TGM5: variants seen among roughly 807,000 people sequenced by gnomAD.
TGM5 encodes the protein protein-glutamine gamma-glutamyltransferase 5.
TGM5 carries 69 observed loss-of-function variants against 77.2 expected under a neutral mutation model. That is an observed-to-expected ratio of 0.89 (90% CI 0.74 to 1.09). TGM5 has a LOEUF of 1.09. TGM5 is among the 50% of genes least tolerant of loss of function. TGM5 has a pLI of 0.00. For missense variants in TGM5, 842 were observed against 896.5 expected (o/e 0.94, Z 0.78); for synonymous variants, 346 against 351.8 (o/e 0.98, Z 0.18).
chr15:43,266,392 G>A (rs1257890702), intron 1 of TGM5, among the ~76,000 whole-genome samples: 1 of 152,168 alleles, frequency 6.6e-6, no homozygotes, highest in Non-Finnish European at 1.5e-5. Context: ...CTTCTGAAAT[G>A]GAGGAAGAAG....
intron 11 of TGM5, 123 bp downstream of exon 11, chr15:43,234,646 G>T: frequency 8.0e-7 from 1 of 1,251,592 alleles, no homozygotes; most frequent in Non-Finnish European, 1.2e-6. Flanking sequence ...TGGAGCACCA[G>T]AAGAGGCAAA....
At chr15:43,266,786 C>T (rs1332562513) in intron 1 of TGM5, 54 bp downstream of exon 1, 6 of 1,611,450 alleles carry the variant, frequency 3.7e-6, no homozygotes, top group Non-Finnish European at 4.2e-6. Flanking sequence ...TTCCTACAGT[C>T]TCTCTCTGTC....
At chr15:43,251,189 T>C (rs2042700816) in intron 6 of TGM5, among the ~76,000 whole-genome samples, 1 of 152,118 alleles carries the variant, frequency 6.6e-6, no homozygotes, top group Admixed American at 6.6e-5. Context: ...AGCTGTGGAA[T>C]TCCTTGTTTC....
chr15:43,236,592 C>A (rs2042592040), intron 9 of TGM5, among the ~76,000 whole-genome samples: 1 of 152,198 alleles, frequency 6.6e-6, no homozygotes, highest in South Asian at 2.1e-4. Flanking sequence ...AGGCAGAGGC[C>A]ACTTTTATCC....
At chr15:43,253,024 G>T in intron 5 of TGM5, 88 bp from the exon 6 acceptor site, 1 of 1,416,376 alleles carries the variant, frequency 7.1e-7, no homozygotes, top group South Asian at 1.2e-5. Flanking sequence ...CCATGGGCCT[G>T]AGAAACAGAG....
rs1212873412 is a variant in TGM5 at position 43,260,058 on chromosome 15, A to G, written c.430T>C (p.Cys144Arg). 1.5e-5 allele frequency: 24 copies of G among 1,613,740 alleles called. No individual in the cohort carries two copies. The highest frequency in any genetic ancestry group is 2.0e-5 in the Non-Finnish European group (24 of 1,180,020). The change falls in exon 3 of 13, where the codon TGC (cysteine) becomes CGC (arginine). Residue 144 changes from cysteine to arginine, a missense_variant. Physicochemically the swap from Cys to Arg is radical, Grantham distance 180. Around this residue, in one of 2 missense-constraint regions of TGM5, gnomAD observed 815 missense variants for 844.6 expected, o/e 0.96. Coordinates refer to ENST00000220420, the MANE Select transcript of TGM5 (RefSeq NM_201631.4). ...GEFILLFNPW[C>R]PEDAVYLDSE... ...CCTGGGCACCCAGCCTTACCTGGGC[A>G]CCAGGGATTGAAAAGCAGGATGAAC...
At chr15:43,240,809 C>CT (rs1431614296) in intron 7 of TGM5, 43 bp downstream of exon 7, 1 of 1,613,018 alleles carries the variant, frequency 6.2e-7, no homozygotes, top group Non-Finnish European at 8.5e-7. Context: ...GGGCTTGGCT[C>CT]TGATGTGTGG....
At chr15:43,256,906 G>A (rs2042746093) in intron 3 of TGM5, among the ~76,000 whole-genome samples, 2 of 152,028 alleles carry the variant, frequency 1.3e-5, no homozygotes, top group African/African-American at 4.8e-5. Context: ...CCCTTTGGTG[G>A]AATTTCTTGG....
intron 6 of TGM5, among the ~76,000 whole-genome samples, chr15:43,243,864 C>T (rs1343050246): frequency 1.3e-5 from 2 of 152,218 alleles, no homozygotes; most frequent in African/African-American, 4.8e-5. Flanking sequence ...CCAAGCACTG[C>T]ACAAGGATTA....
At chr15:43,252,631 G>A in intron 6 of TGM5, 128 bp downstream of exon 6, 2 of 1,244,524 alleles carry the variant, frequency 1.6e-6, no homozygotes, top group Non-Finnish European at 2.3e-6. Context: ...ATTTCAGAGA[G>A]GAAAAGGGCT....
At chr15:43,261,598 T>C (rs1481084034) in intron 1 of TGM5, among the ~76,000 whole-genome samples, 1 of 152,218 alleles carries the variant, frequency 6.6e-6, no homozygotes, top group African/African-American at 2.4e-5. Flanking sequence ...TGTTTGACCA[T>C]GGTTCTGCCA....
chr15:43,235,991 G>A (rs1395306035), intron 9 of TGM5, among the ~76,000 whole-genome samples, 154 bp from the exon 10 acceptor site: 4 of 152,122 alleles, frequency 2.6e-5, no homozygotes, highest in Non-Finnish European at 5.9e-5. Flanking sequence ...TGCTTTCCCA[G>A]GCAGGCTCTG....
At chr15:43,250,799 G>C (rs1480748319) in intron 6 of TGM5, among the ~76,000 whole-genome samples, 1 of 152,146 alleles carries the variant, frequency 6.6e-6, no homozygotes, top group East Asian at 1.9e-4. Context: ...TAACATGGTA[G>C]CTCTTTGGGG....
intron 6 of TGM5, among the ~76,000 whole-genome samples, chr15:43,250,212 C>T (rs1452641092): frequency 2.6e-5 from 4 of 152,216 alleles, no homozygotes; most frequent in Non-Finnish European, 5.9e-5. Flanking sequence ...GGTCCCACCT[C>T]ATAAGGTCAT....
In TGM5 at chr15:43,235,636, G is replaced by C; in HGVS notation, c.1547C>G (p.Pro516Arg). Residue 516 changes from proline (P) to arginine (R), a missense_variant, in exon 10 of 13, where the codon CCG becomes CGG. Physicochemically the swap from Pro to Arg is moderately radical, Grantham distance 103. This residue lies in a region of TGM5 where 815 missense variants were observed against 844.6 expected (regional missense o/e 0.96). Coordinates refer to ENST00000220420, the MANE Select transcript of TGM5 (RefSeq NM_201631.4). ...QVSLKFKLLD[P>R]PNMGQDICFV... is the part of the protein sequence containing the mutation. ...GCATATATCCTGGCCCATGTTGGGC[G>C]GGTCGAGCAGCTTGAATTTCAGGGA... 1 of 1,614,204 alleles carries C rather than the reference G, an allele frequency of 6.2e-7. No homozygotes were observed. The highest frequency in any genetic ancestry group is 8.5e-7 in the Non-Finnish European group (1 of 1,180,046).
intron 9 of TGM5, among the ~76,000 whole-genome samples, chr15:43,237,080 ACTG>A (rs1272827854): frequency 6.6e-6 from 1 of 151,970 alleles, no homozygotes; most frequent in African/African-American, 2.4e-5. Flanking sequence ...AAGACTGAAT[ACTG>A]CTGGCCTGAG....
intron 1 of TGM5, among the ~76,000 whole-genome samples, chr15:43,264,513 T>G (rs1231122624): frequency 6.6e-6 from 1 of 152,092 alleles, no homozygotes; most frequent in Non-Finnish European, 1.5e-5. Flanking sequence ...CAGTCAGACA[T>G]AAAAAGACAC....
At position 43,238,945 on chromosome 15, in the gene TGM5, C is replaced by T; in HGVS notation, c.1217G>A (p.Trp406Ter). 1 of 1,614,204 alleles carries T rather than the reference C, an allele frequency of 6.2e-7. No homozygotes were observed. The highest frequency in any genetic ancestry group is 2.2e-5 in the East Asian group (1 of 44,884). Reference sequence around the variant, plus strand: ...CTGCTCCTTCCCTCCCTGGACGAGCCAGGACATGCAGTCAGCATTCACCAT... The same window carrying T: ...CTGCTCCTTCCCTCCCTGGACGAGCTAGGACATGCAGTCAGCATTCACCAT... Reference protein sequence around the residue: ...FSMVNADCMSWLVQGGKEQKL... With the variant: ...FSMVNADCMS Residue 406 changes from tryptophan (W) to a stop codon, truncating the protein, a stop_gained, in exon 9 of 13, where the codon TGG becomes TAG. Coordinates refer to ENST00000220420, the MANE Select transcript of TGM5 (RefSeq NM_201631.4). LOFTEE classifies it high-confidence loss of function.
intron 9 of TGM5, among the ~76,000 whole-genome samples, chr15:43,236,439 C>G (rs980726823): frequency 1.3e-5 from 2 of 152,286 alleles, no homozygotes; most frequent in South Asian, 4.1e-4. Context: ...CCCAGCTTCC[C>G]TGCTCTATCC....
Sources: gnomAD v4.1 joint callset for allele counts (sites outside exome capture counted in the v4.1 genomes callset) on GRCh38, gnomAD v4.1.1 for gene constraint, gnomAD v4.1.1 regional missense constraint, MANE v1.5 for transcripts, NCBI Gene and HGNC (gene_info 2026-07-23, HGNC 2026-07-21) for gene names.